The following ENOX1 variants were observed in gnomAD, a reference collection of about 807,000 sequenced individuals.
ENOX1 encodes the protein ecto-NOX disulfide-thiol exchanger 1.
Under a neutral mutation model 82.5 loss-of-function variants are expected in ENOX1, and 42 were observed. That is an observed-to-expected ratio of 0.51 (90% CI 0.40 to 0.66). The LOEUF (loss-of-function observed/expected upper bound fraction) is 0.66, where lower values mean the gene tolerates loss of function less well. Among genes scored for constraint, ENOX1 ranks in the 30% least tolerant of loss-of-function variants. ENOX1 has a pLI of 0.00. For missense variants in ENOX1, 608 were observed against 811.6 expected (o/e 0.75, Z 3.05); for synonymous variants, 271 against 282.2 (o/e 0.96, Z 0.40).
chr13:43,416,488 C>T (rs1447701836), intron 3 of ENOX1, among the ~76,000 whole-genome samples: 2 of 148,374 alleles, frequency 1.3e-5, no homozygotes, highest in East Asian at 2.0e-4. Context: ...GCGCTCCTCA[C>T]TTCCCAGATG....
chr13:43,756,982 A>C (rs764858553), intron 1 of ENOX1, among the ~76,000 whole-genome samples: 11,433 of 150,186 alleles, frequency 0.076, 754 homozygotes, highest in African/African-American at 0.15. Context: ...CAAAAAAAAA[A>C]AAAAAAAAAA....
chr13:43,308,521 G>A (rs2046998746), intron 11 of ENOX1, among the ~76,000 whole-genome samples: 1 of 152,152 alleles, frequency 6.6e-6, no homozygotes, highest in Non-Finnish European at 1.5e-5. Context: ...TTTCTGGTGA[G>A]TATAATTTTT....
intron 3 of ENOX1, among the ~76,000 whole-genome samples, chr13:43,437,903 C>T (rs1450081809): frequency 6.6e-6 from 1 of 152,242 alleles, no homozygotes; most frequent in African/African-American, 2.4e-5. Context: ...GAAGAAAAAA[C>T]AATTAACTTT....
intron 14 of ENOX1, among the ~76,000 whole-genome samples, chr13:43,255,238 C>G (rs531143930): frequency 1.3e-4 from 20 of 152,056 alleles, no homozygotes; most frequent in Non-Finnish European, 2.9e-4. Flanking sequence ...TGGGAAAATT[C>G]AACATCTCTT....
intron 11 of ENOX1, among the ~76,000 whole-genome samples, chr13:43,310,598 A>G (rs1476708505): frequency 6.6e-6 from 1 of 152,188 alleles, no homozygotes; most frequent in Non-Finnish European, 1.5e-5. Context: ...AGCATCAATT[A>G]CAATATTCCT....
At chr13:43,332,870 A>T (rs908915782) in intron 9 of ENOX1, among the ~76,000 whole-genome samples, 1 of 150,334 alleles carries the variant, frequency 6.7e-6, no homozygotes, top group Non-Finnish European at 1.5e-5. Flanking sequence ...GGACGATATA[A>T]AAAAAAAAGT....
intron 14 of ENOX1, among the ~76,000 whole-genome samples, chr13:43,241,885 G>A (rs1166543188): frequency 6.6e-6 from 1 of 152,118 alleles, no homozygotes; most frequent in Non-Finnish European, 1.5e-5. Context: ...TATTGAGCTA[G>A]AATCATGCTT....
chr13:43,765,816 T>C (rs1236504481), intron 1 of ENOX1, among the ~76,000 whole-genome samples: 1 of 152,212 alleles, frequency 6.6e-6, no homozygotes, highest in Non-Finnish European at 1.5e-5. Flanking sequence ...AATGATGCTT[T>C]TCACATCGTT....
At chr13:43,287,629 C>T (rs114918335) in intron 12 of ENOX1, among the ~76,000 whole-genome samples, 1 of 152,314 alleles carries the variant, frequency 6.6e-6, no homozygotes, top group African/African-American at 2.4e-5. Flanking sequence ...TACGGCTTAT[C>T]TTCTTCCTCA....
chr13:43,243,770 T>A (rs571467985), intron 14 of ENOX1, among the ~76,000 whole-genome samples: 32 of 152,196 alleles, frequency 2.1e-4, no homozygotes, highest in Non-Finnish European at 4.3e-4. Flanking sequence ...CAGGAAAAAG[T>A]CAGATGCTGC....
At chr13:43,541,329 T>C (rs1355050189) in intron 2 of ENOX1, among the ~76,000 whole-genome samples, 1 of 151,712 alleles carries the variant, frequency 6.6e-6, no homozygotes, top group East Asian at 1.9e-4. Context: ...TGAGACCTCA[T>C]CTCTACAAAA....
At chr13:43,664,122 C>T (rs910338181) in intron 2 of ENOX1, among the ~76,000 whole-genome samples, 1 of 152,078 alleles carries the variant, frequency 6.6e-6, no homozygotes, top group African/African-American at 2.4e-5. Flanking sequence ...TAATTACATT[C>T]TAATGTCAGA....
At chr13:43,734,286 T>G (rs984065238) in intron 1 of ENOX1, among the ~76,000 whole-genome samples, 1 of 152,092 alleles carries the variant, frequency 6.6e-6, no homozygotes, top group Non-Finnish European at 1.5e-5. Flanking sequence ...CCTAGAGAAC[T>G]AGTACAAGGG....
chr13:43,287,622 G>C (rs146033786), intron 12 of ENOX1, among the ~76,000 whole-genome samples: 1 of 152,116 alleles, frequency 6.6e-6, no homozygotes, highest in Non-Finnish European at 1.5e-5. Flanking sequence ...GCATCAGTAC[G>C]GCTTATCTTC....
At chr13:43,571,530 A>G (rs2153711233) in intron 2 of ENOX1, among the ~76,000 whole-genome samples, 1 of 151,682 alleles carries the variant, frequency 6.6e-6, no homozygotes, top group African/African-American at 2.4e-5. Flanking sequence ...AAGAAAAAAA[A>G]AAATACAAAA....
At chr13:43,505,456 A>C (rs1014297627) in intron 2 of ENOX1, among the ~76,000 whole-genome samples, 7 of 151,978 alleles carry the variant, frequency 4.6e-5, no homozygotes, top group Admixed American at 3.9e-4. Flanking sequence ...TTTGCAGTCA[A>C]ATTTTCTTTC....
At chr13:43,688,418 A>G (rs1295719141) in intron 1 of ENOX1, among the ~76,000 whole-genome samples, 1 of 152,186 alleles carries the variant, frequency 6.6e-6, no homozygotes, top group Non-Finnish European at 1.5e-5. Context: ...GGCCTTGGCA[A>G]TTGACCAGAT....
At chr13:43,769,773 G>T (rs1037762866) in intron 1 of ENOX1, among the ~76,000 whole-genome samples, 4 of 152,196 alleles carry the variant, frequency 2.6e-5, no homozygotes, top group African/African-American at 7.2e-5. Flanking sequence ...AACCTCAAAT[G>T]ATGTCAGTTC....
At chr13:43,452,153 G>A (rs1270714483) in intron 3 of ENOX1, among the ~76,000 whole-genome samples, 3 of 152,180 alleles carry the variant, frequency 2.0e-5, no homozygotes, top group South Asian at 2.1e-4. Context: ...TTAAGTTCTG[G>A]GGTACATGTG....
Sources: gnomAD v4.1 joint callset for allele counts (sites outside exome capture counted in the v4.1 genomes callset) on GRCh38, gnomAD v4.1.1 for gene constraint, MANE v1.5 for transcripts, NCBI Gene and HGNC (gene_info 2026-07-23, HGNC 2026-07-21) for gene names.